Variants in MBOAT7 observed in about 807,000 individuals in gnomAD.
MBOAT7 encodes the protein membrane-bound acylglycerophosphatidylinositol O-acyltransferase MBOAT7.
Under a neutral mutation model 47.4 loss-of-function variants are expected in MBOAT7, and 40 were observed. The observed-to-expected ratio is 0.84, with a 90% CI of 0.66 to 1.10. The LOEUF (loss-of-function observed/expected upper bound fraction) is 1.10, where lower values mean the gene tolerates loss of function less well. MBOAT7 is among the 50% of genes least tolerant of loss of function. MBOAT7 has a pLI of 0.00. For missense variants in MBOAT7, 680 were observed against 655.6 expected (o/e 1.04, Z -0.41); for synonymous variants, 361 against 292.0 (o/e 1.24, Z -2.41).
At chr19:54,176,079 T>A (rs1229640892) in intron 7 of MBOAT7, among the ~76,000 whole-genome samples, 1 of 152,094 alleles carries the variant, frequency 6.6e-6, no homozygotes, top group Non-Finnish European at 1.5e-5. Flanking sequence ...ATGGTCTCGA[T>A]CTCCTGACCT....
chr19:54,177,632 G>C (rs1266571943), intron 7 of MBOAT7, among the ~76,000 whole-genome samples: 1 of 149,864 alleles, frequency 6.7e-6, no homozygotes, highest in Admixed American at 6.7e-5. Context: ...TCTCTCTGTT[G>C]CCCAGGTGAC....
intron 7 of MBOAT7, chr19:54,178,564 C>T: frequency 2.1e-6 from 3 of 1,425,662 alleles, no homozygotes; most frequent in Non-Finnish European, 2.7e-6. Flanking sequence ...GAAGTAGCAA[C>T]TGAGGCCCCG....
intron 3 of MBOAT7, among the ~76,000 whole-genome samples, chr19:54,187,617 A>T (rs1472482311): frequency 6.6e-6 from 1 of 152,176 alleles, no homozygotes; most frequent in Non-Finnish European, 1.5e-5. Flanking sequence ...AATGAATATG[A>T]ACGGTGGCCA....
chr19:54,183,652 T>C lies in MBOAT7; in HGVS notation c.362A>G (p.Asp121Gly), dbSNP rs1192021779. ...TTCCTTCCTCTGGGCCAGATGCAGG[T>C]CCTGGACTTCACTGGCCAGGCTCAC... ...KLVSLASEVQ[D>G]LHLAQRKEMA... The change falls in exon 5 of 8, where the codon GAC (aspartate) becomes GGC (glycine). Residue 121 changes from aspartate to glycine, a missense_variant. Transcript: ENST00000245615. The C allele has an allele frequency of 1.9e-6, 3 of 1,591,612 alleles. No individual in the cohort carries two copies. The highest frequency in any genetic ancestry group is 2.6e-6 in the Non-Finnish European group (3 of 1,169,698).
chr19:54,188,267 A>G lies in MBOAT7; in HGVS notation c.156T>C (p.His52=), dbSNP rs940457089. Reference sequence around the variant, plus strand: ...AGGTCCCGAGGATGGTGACCAGAGAATGCAAAGTGTGGGGGCCACAGGTGA... The same window carrying G: ...AGGTCCCGAGGATGGTGACCAGAGAGTGCAAAGTGTGGGGGCCACAGGTGA... ...TLFTCGPHTL[H]SLVTILGTWA... The change falls in exon 3 of 8, where the codon CAT becomes CAC. Residue 52 remains histidine, a synonymous_variant. Coordinates refer to ENST00000245615, the MANE Select transcript of MBOAT7 (RefSeq NM_024298.5). 2 of 1,613,856 alleles carry G rather than the reference A, an allele frequency of 1.2e-6. No homozygotes were observed. Among genetic ancestry groups the G allele is most frequent in the African/African-American group, 1.3e-5 (1 of 74,900 alleles).
chr19:54,182,577 C>T (rs1241203292), intron 5 of MBOAT7, among the ~76,000 whole-genome samples: 1 of 151,130 alleles, frequency 6.6e-6, no homozygotes, highest in African/African-American at 2.4e-5. Context: ...TTAGAGTTCC[C>T]TAAAGCTGTT....
chr19:54,173,681 T>C lies in MBOAT7; in HGVS notation c.*363A>G. 1 of 270,866 alleles carries C rather than the reference T, an allele frequency of 3.7e-6. No homozygotes were observed. Among genetic ancestry groups the C allele is most frequent in the South Asian group, 1.1e-4 (1 of 8,754 alleles). The allele number at this position is 270,866 out of a possible 1,614,324, so 16.8% of individuals were successfully genotyped here. ...GAAGAGGCTTCCCACTCCCAGGACC[T>C]GCCCCCAAGCTCCGACCCCACATTG... On this transcript the variant is annotated 3_prime_UTR_variant, in exon 8 of 8. Coordinates refer to ENST00000245615, the MANE Select transcript of MBOAT7 (RefSeq NM_024298.5).
At chr19:54,185,448 G>A (rs928374752) in intron 4 of MBOAT7, among the ~76,000 whole-genome samples, 7 of 152,102 alleles carry the variant, frequency 4.6e-5, no homozygotes, top group African/African-American at 1.7e-4. Flanking sequence ...CCGGGCTGGG[G>A]TTCAGGCACC....
In MBOAT7 at chr19:54,187,176, C is replaced by A. The variant is rs376936779; in HGVS notation, c.318G>T (p.Leu106=). 32 of 1,576,702 alleles carry A rather than the reference C, an allele frequency of 2.0e-5. No homozygotes were observed. Among genetic ancestry groups the A allele is most frequent in the Non-Finnish European group, 2.7e-5 (31 of 1,163,816 alleles). Residue 106 remains leucine (L), a synonymous_variant, in exon 4 of 8, where the codon CTG becomes CTT. Coordinates refer to ENST00000245615, the MANE Select transcript of MBOAT7 (RefSeq NM_024298.5). ...TPTPFTNAVQ[L]LLTLKLVSLA... Reference sequence around the variant, plus strand: ...CGAGTCTGACCTTCAGCGTCAGCAGCAGCTGGACGGCATTGGTGAAGGGCG... The same window carrying A: ...CGAGTCTGACCTTCAGCGTCAGCAGAAGCTGGACGGCATTGGTGAAGGGCG...
At chr19:54,176,154 CT>C (rs2076102821) in intron 7 of MBOAT7, among the ~76,000 whole-genome samples, 2 of 152,214 alleles carry the variant, frequency 1.3e-5, no homozygotes, top group African/African-American at 4.8e-5. Context: ...CGCGCCCAGC[CT>C]CTTTTTTTTT....
At chr19:54,181,250 G>C (rs1432730031) in intron 5 of MBOAT7, 117 bp from the exon 6 acceptor site, 3 of 1,289,472 alleles carry the variant, frequency 2.3e-6, no homozygotes, top group Non-Finnish European at 3.1e-6. Flanking sequence ...GAGGGGCAGA[G>C]ACTGGGCGCC....
Position 54,183,521 on chromosome 19 carries a change from C to T in MBOAT7, c.493G>A (p.Gly165Ser). 6.2e-7 allele frequency: 1 copy of T among 1,607,480 alleles called. No individual in the cohort carries two copies. The highest frequency in any genetic ancestry group is 8.5e-7 in the Non-Finnish European group (1 of 1,177,168). Residue 165 changes from glycine (G) to serine (S), a missense_variant and splice_region_variant, in exon 5 of 8, where the codon GGC becomes AGC. By Grantham distance (56) the Gly-to-Ser change is moderately conservative. Transcript: ENST00000245615. The part of the protein sequence containing the change: ...YSYCYVGIMT[G>S]PFFRYRTYLD... ...GAGTTGTTAGGGCAGCCCCACTCACCTGTCATGATTCCCACGTAGCAGTAG... is the reference window on the plus strand; with the variant it reads ...GAGTTGTTAGGGCAGCCCCACTCACTTGTCATGATTCCCACGTAGCAGTAG...
chr19:54,186,968 A>T, intron 4 of MBOAT7, 193 bp downstream of exon 4: 1 of 660,104 alleles, frequency 1.5e-6, no homozygotes, highest in East Asian at 2.8e-5. Context: ...CCCCAGGAGG[A>T]GCTGGGAGGT....
chr19:54,187,355 G>A (rs2076458056), intron 3 of MBOAT7, 68 bp from the exon 4 acceptor site: 3 of 1,493,012 alleles, frequency 2.0e-6, no homozygotes, highest in Non-Finnish European at 1.8e-6. Context: ...CACTCCACGA[G>A]TCCAGCCACC....
rs1048864112 is a variant in MBOAT7 at position 54,178,259 on chromosome 19, C to T, written c.1031+506G>A. 2.5e-5 allele frequency: 25 copies of T among 996,364 alleles called. No individual in the cohort carries two copies. In the South Asian group the frequency reaches 9.7e-4, roughly 39 times the overall value. 61.7% of individuals were successfully genotyped at this position (996,364 alleles called of 1,614,324 possible). A position where few individuals can be genotyped will look rare whatever the true frequency, so the allele number is the denominator to read the frequency against. On this transcript the variant is annotated intron_variant, in intron 7 of 7. Transcript: ENST00000245615. ...CAGATAACAGTGTCAAGCACAGAGT[C>T]TCCACTCGAGAAATATTGGAAGAAT...
chr19:54,181,195 G>A, intron 5 of MBOAT7, 62 bp from the exon 6 acceptor site: 1 of 1,439,766 alleles, frequency 6.9e-7, no homozygotes, highest in Non-Finnish European at 9.1e-7. Flanking sequence ...CAAGTCTGCA[G>A]GAGGAGGACA....
chr19:54,184,864 A>T (rs2076388041), intron 4 of MBOAT7, among the ~76,000 whole-genome samples: 1 of 147,192 alleles, frequency 6.8e-6, no homozygotes, highest in African/African-American at 2.5e-5. Context: ...AGATCGTACC[A>T]TTGCACTCCA....
chr19:54,183,809 T>C, intron 4 of MBOAT7, 129 bp from the exon 5 acceptor site: 1 of 900,376 alleles, frequency 1.1e-6, no homozygotes, highest in Admixed American at 3.8e-5. Context: ...ATCTAGGTTG[T>C]GTGTAACGCC....
intron 7 of MBOAT7, 105 bp downstream of exon 7, chr19:54,178,660 A>C: frequency 6.7e-7 from 1 of 1,491,396 alleles, no homozygotes; most frequent in Non-Finnish European, 8.9e-7. Context: ...AATTCCCATG[A>C]GCCTCCGGGG....
Sources: allele counts gnomAD v4.1 joint callset (sites outside exome capture counted in the v4.1 genomes callset), GRCh38; gene constraint gnomAD v4.1.1; transcripts MANE v1.5; gene names NCBI Gene and HGNC (gene_info 2026-07-23, HGNC 2026-07-21).